The following APLP2 variants were observed in gnomAD, a reference collection of about 807,000 sequenced individuals.
APLP2 encodes the protein amyloid beta precursor like protein 2.
In APLP2, 53 loss-of-function variants were observed where a neutral mutation model predicts 89.9. The ratio of observed to expected loss-of-function variants is 0.59; its 90% CI spans 0.47 to 0.74. The LOEUF is 0.74. Ranked by LOEUF, APLP2 falls within the 30% of genes least tolerant of loss-of-function variation. APLP2 has a pLI of 0.00. For missense variants in APLP2, 973 were observed against 975.9 expected, an observed-to-expected ratio of 1.00 and a Z score of 0.04; for synonymous variants, 372 against 348.6, an observed-to-expected ratio of 1.07 and a Z score of -0.75.
intron 1 of APLP2, chr11:130,109,222 T>C: frequency 5.1e-6 from 2 of 393,388 alleles, no homozygotes; most frequent in East Asian, 8.0e-5. Context: ...AAAAAAGTTT[T>C]TTCCTTTGCC....
At position 130,144,663 on chromosome 11, in the gene APLP2, T is replaced by G. The variant is rs1019306719; in HGVS notation, c.*1215T>G. On this transcript the variant is annotated 3_prime_UTR_variant, in exon 17 of 17. Transcript: ENST00000338167. ...TATTTTCCTGTGACTGTTTTTGTTT[T>G]GTTTTTTTCCTTTTTCCTCCCCTTT... The G allele has an allele frequency of 3.9e-5, 6 of 152,672 alleles. No individual in the cohort carries two copies. The highest frequency in any genetic ancestry group is 7.3e-5 in the Non-Finnish European group (5 of 68,072). 9.5% of individuals were successfully genotyped at this position (152,672 alleles called of 1,614,324 possible). A position where few individuals can be genotyped will look rare whatever the true frequency, so the allele number is the denominator to read the frequency against.
intron 13 of APLP2, 44 bp downstream of exon 13, chr11:130,135,759 A>G: frequency 1.9e-6 from 3 of 1,602,688 alleles, no homozygotes; most frequent in Non-Finnish European, 2.6e-6. Flanking sequence ...CAGGGGGAGG[A>G]CAAAATGAGA....
At chr11:130,124,320 AG>A (rs1339335872) in intron 7 of APLP2, among the ~76,000 whole-genome samples, 4 of 152,220 alleles carry the variant, frequency 2.6e-5, no homozygotes, top group African/African-American at 9.6e-5. Context: ...CTAGCAGCCA[AG>A]TGGTAGTGAC....
chr11:130,129,942 C>CTAAA, intron 10 of APLP2, 96 bp from the exon 11 acceptor site: 1 of 1,400,028 alleles, frequency 7.1e-7, no homozygotes, highest in Non-Finnish European at 9.9e-7. Flanking sequence ...CCTAGCTGAG[C>CTAAA]TTTACATTCT....
chr11:130,072,936 T>G (rs1166520021), intron 1 of APLP2, among the ~76,000 whole-genome samples: 1 of 152,260 alleles, frequency 6.6e-6, no homozygotes, highest in African/African-American at 2.4e-5. Context: ...TTATTGAGTC[T>G]GTAGGGTGAC....
intron 1 of APLP2, among the ~76,000 whole-genome samples, chr11:130,079,717 C>T (rs973297608): frequency 1.3e-5 from 2 of 152,066 alleles, no homozygotes; most frequent in Non-Finnish European, 2.9e-5. Flanking sequence ...TCCATTCAAT[C>T]CTTGTAACTT....
intron 1 of APLP2, among the ~76,000 whole-genome samples, chr11:130,085,278 C>T (rs1053192071): frequency 4.6e-5 from 7 of 152,018 alleles, no homozygotes; most frequent in African/African-American, 7.2e-5. Flanking sequence ...GGCGAAACGC[C>T]GTCTCTACTA....
rs533111362 is a variant in APLP2, at chr11:130,113,336, A to T, written c.403+2675A>T. The stretch of plus-strand genomic sequence containing the variant: ...GCATGTTACAGAACCAAGCAATAGT[A>T]TTGTCGTTAATGAAATGCATAAAAG... On this transcript the variant is annotated intron_variant, in intron 3 of 16. Transcript: ENST00000338167. Among the ~76,000 whole-genome samples the T allele has an allele frequency of 2.6e-5, 4 of 152,358 alleles. No homozygotes were observed. The East Asian group carries it at 7.7e-4, about 29-fold the overall frequency.
rs1000868125 is a variant in APLP2 at position 130,144,561 on chromosome 11, T to C, written c.*1113T>C. The C allele has an allele frequency of 6.6e-6, 1 of 152,594 alleles. No individual in the cohort carries two copies. Among genetic ancestry groups the C allele is most frequent in the African/African-American group, 2.4e-5 (1 of 41,464 alleles). 9.5% of individuals were successfully genotyped at this position (152,594 alleles called of 1,614,324 possible). A position where few individuals can be genotyped will look rare whatever the true frequency, so the allele number is the denominator to read the frequency against. On this transcript the variant is annotated 3_prime_UTR_variant, in exon 17 of 17. Coordinates refer to ENST00000338167, the MANE Select transcript of APLP2 (RefSeq NM_001142276.2). Reference sequence around the variant, plus strand: ...GTCTTTGTAATGCTTGTACAGTTGATGTCGATGCTCACTGCTTCTGCTTTT... The same window carrying C: ...GTCTTTGTAATGCTTGTACAGTTGACGTCGATGCTCACTGCTTCTGCTTTT...
At position 130,143,894 on chromosome 11, in the gene APLP2, A is replaced by G. The variant is rs1952696890; in HGVS notation, c.*446A>G. 1 of 156,308 alleles carries G rather than the reference A, an allele frequency of 6.4e-6. No individual in the cohort carries two copies. Among genetic ancestry groups the G allele is most frequent in the African/African-American group, 2.4e-5 (1 of 41,464 alleles). The allele number at this position is 156,308 out of a possible 1,614,324, so 9.7% of individuals were successfully genotyped here. On this transcript the variant is annotated 3_prime_UTR_variant, in exon 17 of 17. Coordinates refer to ENST00000338167, the MANE Select transcript of APLP2 (RefSeq NM_001142276.2). ...TCCTGGCTTTTATTTAAAGAAAAAA[A>G]AGGCAGTATTCCCTTTTTAAATGAG...
intron 1 of APLP2, among the ~76,000 whole-genome samples, chr11:130,077,004 T>A (rs574030350): frequency 3.3e-5 from 5 of 152,328 alleles, no homozygotes; most frequent in African/African-American, 1.2e-4. Context: ...CAGATGGTGA[T>A]ACCTCTTACT....
intron 1 of APLP2, among the ~76,000 whole-genome samples, chr11:130,107,095 A>G (rs1345751606): frequency 6.6e-6 from 1 of 152,230 alleles, no homozygotes; most frequent in African/African-American, 2.4e-5. Flanking sequence ...TTAGAGCCCC[A>G]AGAAAGCAGG....
intron 1 of APLP2, chr11:130,070,710 G>GA: frequency 6.8e-7 from 1 of 1,477,506 alleles, no homozygotes; most frequent in East Asian, 3.0e-5. Flanking sequence ...AAGTGGCGCT[G>GA]TTTGCCTGCG....
At chr11:130,091,528 T>C (rs1945192503) in intron 1 of APLP2, among the ~76,000 whole-genome samples, 3 of 138,716 alleles carry the variant, frequency 2.2e-5, no homozygotes, top group East Asian at 2.4e-4. Flanking sequence ...ACAGGGCGGC[T>C]GGCCGGGCGG....
At position 130,111,391 on chromosome 11, in the gene APLP2, A is replaced by C. The variant is rs1374979458; in HGVS notation, c.403+730A>C. 2.0e-5 allele frequency among the ~76,000 whole-genome samples: 3 copies of C among 152,226 alleles called. No homozygotes were observed. The East Asian group carries it at 5.8e-4, about 29-fold the overall frequency. On this transcript the variant is annotated intron_variant, in intron 3 of 16. Transcript: ENST00000338167. ...CACAGAAACTTCAAAGGGCAAAAAAAAATCAATTTTAGATTAGCCCTGATG... is the reference window on the plus strand; with the variant it reads ...CACAGAAACTTCAAAGGGCAAAAAACAATCAATTTTAGATTAGCCCTGATG...
Position 130,122,512 on chromosome 11 carries a change from A to G in APLP2, c.921A>G (p.Lys307=). Residue 307 remains lysine, a splice_region_variant and synonymous_variant, in exon 6 of 17, where the codon AAA becomes AAG. Coordinates refer to ENST00000338167, the MANE Select transcript of APLP2 (RefSeq NM_001142276.2). The stretch of plus-strand genomic sequence containing the variant: ...ACAAGGAAATTACTCATGATGTCAA[A>G]GGTAACCCCATGTAGAGCCATGGCT... ...MSDKEITHDV[K]AVCSQEAMTG... 1.2e-6 allele frequency: 2 copies of G among 1,614,020 alleles called. No individual in the cohort carries two copies. Among genetic ancestry groups the G allele is most frequent in the Non-Finnish European group, 1.7e-6 (2 of 1,179,880 alleles).
intron 11 of APLP2, among the ~76,000 whole-genome samples, chr11:130,131,468 A>G (rs1950931953): frequency 6.6e-6 from 1 of 152,190 alleles, no homozygotes; most frequent in Admixed American, 6.5e-5. Context: ...AAAAGAACTC[A>G]GGCTTCTAAA....
Position 130,135,654 on chromosome 11 carries a change from G to T in APLP2, c.1776G>T (p.Glu592Asp), listed in dbSNP as rs1299051203. 1 of 1,614,212 alleles carries T rather than the reference G, an allele frequency of 6.2e-7. No individual in the cohort carries two copies. Residue 592 changes from glutamate to aspartate, a missense_variant, in exon 13 of 17, where the codon GAG becomes GAT. Glu to Asp is a conservative substitution (Grantham distance 45). Transcript: ENST00000338167. ...TPVDVRVSSEESEEIPPFHPF... is the reference protein window; with the variant it reads ...TPVDVRVSSEDSEEIPPFHPF... ...TGGACGTCCGGGTGAGCTCTGAGGA[G>T]AGTGAGGAGATCCCACCGTTCCACC...
At chr11:130,077,718 A>G (rs1942379317) in intron 1 of APLP2, among the ~76,000 whole-genome samples, 1 of 152,148 alleles carries the variant, frequency 6.6e-6, no homozygotes. Flanking sequence ...TTACATTTCC[A>G]TTCATATTTT....
Sources: gnomAD v4.1 joint callset for allele counts (sites outside exome capture counted in the v4.1 genomes callset) on GRCh38, gnomAD v4.1.1 for gene constraint, MANE v1.5 for transcripts, NCBI Gene and HGNC (gene_info 2026-07-23, HGNC 2026-07-21) for gene names.